PGM3: variants seen among roughly 807,000 people sequenced by gnomAD.
PGM3 encodes phosphoglucomutase 3, also known as phosphoacetylglucosamine mutase.
In PGM3, 40 loss-of-function variants were observed where a neutral mutation model predicts 66.2. The observed-to-expected ratio is 0.60, with a 90% CI of 0.47 to 0.79. The LOEUF (loss-of-function observed/expected upper bound fraction) is 0.79. Among genes scored for constraint, PGM3 ranks in the 30% least tolerant of loss-of-function variants. PGM3 has a pLI of 0.00. For synonymous variants in PGM3, 191 were observed against 224.2 expected (o/e 0.85, Z 1.32); for missense variants, 537 against 643.4 (o/e 0.83, Z 1.79).
the PGM3 span, among the ~76,000 whole-genome samples, chr6:83,150,650 G>T: frequency 1.3e-5 from 2 of 152,090 alleles, no homozygotes; most frequent in Admixed American, 6.6e-5. Context: ...GGAAGTAATT[G>T]TGCATATAAT....
chr6:83,158,528 T>C, downstream of PGM3: 5 of 1,442,810 alleles, frequency 3.5e-6, no homozygotes, highest in Non-Finnish European at 3.9e-6. Flanking sequence ...GGATTAAATA[T>C]CCAGTTTAAA....
At chr6:83,191,309 T>C (rs1487893933) in intron 1 of PGM3, 1 of 1,305,276 alleles carries the variant, frequency 7.7e-7, no homozygotes, top group Non-Finnish European at 1.1e-6. Context: ...CACACTTAAA[T>C]TGGTCCACTC....
At chr6:83,151,869 C>T in the PGM3 span, 1 of 1,612,518 alleles carries the variant, frequency 6.2e-7, no homozygotes, top group Non-Finnish European at 8.5e-7. Flanking sequence ...AGTTGTTCTT[C>T]CTTATTTTTT....
At chr6:83,155,282 C>T in the PGM3 span, among the ~76,000 whole-genome samples, 2 of 145,080 alleles carry the variant, frequency 1.4e-5, no homozygotes, top group Non-Finnish European at 3.0e-5. Flanking sequence ...GACAAAATAG[C>T]GAGACCCCAG....
chr6:83,153,695 A>C, the PGM3 span: 11 of 1,264,544 alleles, frequency 8.7e-6, no homozygotes, highest in Admixed American at 2.5e-5. Flanking sequence ...CCTTATTGCC[A>C]TTTCTAGAAT....
intron 9 of PGM3, among the ~76,000 whole-genome samples, chr6:83,174,738 AAAC>A (rs1787630066): frequency 6.6e-6 from 1 of 152,236 alleles, no homozygotes. Context: ...ATTACAAAGA[AAAC>A]ACCACCTTGA....
intron 8 of PGM3, 149 bp downstream of exon 8, chr6:83,178,524 T>C: frequency 3.3e-6 from 2 of 599,128 alleles, no homozygotes; most frequent in South Asian, 2.0e-5. Context: ...GACAACTAAA[T>C]TTTTTCTTAT....
chr6:83,152,771 C>T, the PGM3 span, among the ~76,000 whole-genome samples: 1 of 151,958 alleles, frequency 6.6e-6, no homozygotes, highest in Admixed American at 6.6e-5. Flanking sequence ...GTGTGTGCCA[C>T]AATGCCCAGC....
downstream of PGM3, among the ~76,000 whole-genome samples, chr6:83,160,291 T>A (rs889930807): frequency 2.6e-5 from 4 of 152,202 alleles, no homozygotes; most frequent in African/African-American, 9.6e-5. Flanking sequence ...AGATCCCTAC[T>A]AGCTCTGAAG....
chr6:83,157,031 C>T (rs1012098541), downstream of PGM3: 11 of 661,332 alleles, frequency 1.7e-5, no homozygotes, highest in African/African-American at 1.1e-4. Flanking sequence ...TTCTCTTATT[C>T]GTTGTTTTAT....
chr6:83,179,341 C>A (rs1000615511), intron 7 of PGM3, among the ~76,000 whole-genome samples: 1 of 150,750 alleles, frequency 6.6e-6, no homozygotes, highest in African/African-American at 2.4e-5. Context: ...CTATTAAATT[C>A]TTAAAGTATG....
At position 83,172,007 on chromosome 6, in the gene PGM3, A is replaced by G. The variant is rs1490561702; in HGVS notation, c.1295T>C (p.Leu432Pro). The change falls in exon 11 of 13, where the codon CTG (leucine) becomes CCG (proline). Residue 432 changes from leucine to proline, a missense_variant. Leu to Pro is a moderately conservative substitution (Grantham distance 98, BLOSUM62 -3). Transcript: ENST00000513973. ...CCACTGTTGTACAGTCAAGCCCTTC[A>G]GAGCCAAGATTGCTTCAATCACCAG... ...DMLVIEAILA[L>P]KGLTVQQWDA... is the part of the protein sequence containing the mutation. 1 of 1,613,694 alleles carries G rather than the reference A, an allele frequency of 6.2e-7. No individual in the cohort carries two copies. The highest frequency in any genetic ancestry group is 1.1e-5 in the South Asian group (1 of 91,088).
rs1163266128 is a variant in PGM3 at position 83,166,891 on chromosome 6, C to CT, written c.*2342dup. 1.0e-6 allele frequency: 1 copy of CT among 991,014 alleles called. No individual in the cohort carries two copies. The highest frequency in any genetic ancestry group is 1.2e-6 in the Non-Finnish European group (1 of 833,706). 61.4% of individuals were successfully genotyped at this position (991,014 alleles called of 1,614,324 possible). A position where few individuals can be genotyped will look rare whatever the true frequency, so the allele number is the denominator to read the frequency against. ...ATATGACAGATTGTAATTCTGCTTC[C>CT]TAAGTCTTCATGATTTCTTCCTTCT... On this transcript the variant is annotated 3_prime_UTR_variant, in exon 13 of 13. Transcript: ENST00000513973.
intron 1 of PGM3, 192 bp from the exon 2 acceptor site, chr6:83,191,206 T>C: frequency 6.5e-7 from 1 of 1,534,926 alleles, no homozygotes. Flanking sequence ...GTTGTCCAAC[T>C]TGGTATGTCC....
the PGM3 span, chr6:83,152,094 G>T: frequency 1.3e-6 from 2 of 1,583,658 alleles, no homozygotes; most frequent in Non-Finnish European, 1.7e-6. Context: ...AAATCATTTT[G>T]CCTAGCACTA....
chr6:83,151,797 T>C, the PGM3 span: 1 of 1,456,958 alleles, frequency 6.9e-7, no homozygotes, highest in Non-Finnish European at 9.4e-7. Context: ...TTGTAAAATA[T>C]CTATTATCAG....
At chr6:83,156,070 G>T in the PGM3 span, 1 of 1,613,788 alleles carries the variant, frequency 6.2e-7, no homozygotes, top group South Asian at 1.1e-5. Context: ...CAGTGAAATT[G>T]ACCAGTACCA....
chr6:83,172,564 C>T (rs948024569), intron 10 of PGM3, among the ~76,000 whole-genome samples: 2 of 152,088 alleles, frequency 1.3e-5, no homozygotes, highest in Non-Finnish European at 2.9e-5. Context: ...GAGGCTGAGG[C>T]AGGAGAATTG....
chr6:83,152,071 T>A, the PGM3 span: 6 of 1,604,200 alleles, frequency 3.7e-6, no homozygotes, highest in Admixed American at 1.7e-5. Flanking sequence ...TAAGCAGGCA[T>A]ATATTTACTA....
Sources: gnomAD v4.1 joint callset for allele counts (sites outside exome capture counted in the v4.1 genomes callset) on GRCh38, gnomAD v4.1.1 for gene constraint, MANE v1.5 for transcripts, NCBI Gene and HGNC (gene_info 2026-07-23, HGNC 2026-07-21) for gene names.